SPART: variants seen among roughly 807,000 people sequenced by gnomAD.
The protein encoded by SPART is spartin.
Under a neutral mutation model 58.7 loss-of-function variants are expected in SPART, and 35 were observed. That is an observed-to-expected ratio of 0.60 (90% CI 0.46 to 0.79). The LOEUF is 0.79. Among genes scored for constraint, SPART ranks in the 30% least tolerant of loss-of-function variants. The probability of loss-of-function intolerance (pLI) is 0.00; values close to 1 mark genes in which losing one functional copy is unlikely to be tolerated. For missense variants in SPART, 730 were observed against 786.1 expected, an observed-to-expected ratio of 0.93 and a Z score of 0.85; for synonymous variants, 284 against 280.7, an observed-to-expected ratio of 1.01 and a Z score of -0.12.
At chr13:36,328,066 T>TA (rs1883120466) in intron 4 of SPART, among the ~76,000 whole-genome samples, 1 of 152,292 alleles carries the variant, frequency 6.6e-6, no homozygotes, top group East Asian at 1.9e-4. Context: ...GGCCCAGACT[T>TA]ATTTTTTACC....
chr13:36,334,712 C>T (rs1015696019), intron 2 of SPART, among the ~76,000 whole-genome samples: 2 of 152,062 alleles, frequency 1.3e-5, no homozygotes, highest in African/African-American at 4.8e-5. Flanking sequence ...ACATAAATCC[C>T]TTTCGAAATT....
chr13:36,353,891 G>A (rs933913759), intron 1 of SPART, among the ~76,000 whole-genome samples: 1 of 152,122 alleles, frequency 6.6e-6, no homozygotes, highest in Non-Finnish European at 1.5e-5. Context: ...AATTGTTTAT[G>A]TTCAGTTGGT....
Position 36,331,615 on chromosome 13 carries a change from A to C in SPART, c.811-19T>G. ...CACAAACCTGAAAGGATTCATTAGA[A>C]GAAAAAAAATATACATATAAATAAA... On this transcript the variant is annotated intron_variant, in intron 2 of 8. Transcript: ENST00000438666. 1 of 1,568,378 alleles carries C rather than the reference A, an allele frequency of 6.4e-7. No individual in the cohort carries two copies. The highest frequency in any genetic ancestry group is 8.8e-7 in the Non-Finnish European group (1 of 1,141,764).
chr13:36,369,034 G>A (rs1886175287), intron 1 of SPART, among the ~76,000 whole-genome samples: 1 of 152,044 alleles, frequency 6.6e-6, no homozygotes, highest in South Asian at 2.1e-4. Context: ...AAAAATTGCA[G>A]AACATTTTCT....
intron 6 of SPART, 43 bp from the exon 7 acceptor site, chr13:36,312,520 A>T: frequency 1.3e-6 from 2 of 1,574,876 alleles, no homozygotes; most frequent in Non-Finnish European, 1.7e-6. Flanking sequence ...AAAATATATT[A>T]TTCCCTTGAT....
intron 5 of SPART, 87 bp from the exon 6 acceptor site, chr13:36,314,508 A>G (rs1245289845): frequency 2.3e-6 from 3 of 1,322,022 alleles, no homozygotes; most frequent in Non-Finnish European, 2.2e-6. Context: ...CCAGAAAAAA[A>G]TAAAAGGAGT....
Position 36,303,549 on chromosome 13 carries a change from T to A in SPART, c.*816A>T, listed in dbSNP as rs1428122027. The A allele has an allele frequency of 6.6e-6, 1 of 152,148 alleles. No homozygotes were observed. Among genetic ancestry groups the A allele is most frequent in the Non-Finnish European group, 1.5e-5 (1 of 68,002 alleles). 9.4% of individuals were successfully genotyped at this position (152,148 alleles called of 1,614,324 possible). On this transcript the variant is annotated 3_prime_UTR_variant, in exon 9 of 9. Transcript: ENST00000438666. ...GTAAACTCAATTGTTTATATATATT[T>A]TTTTTACAAGTTTTAACCTTTTGGA...
chr13:36,345,034 A>T (rs1250986162), intron 1 of SPART, among the ~76,000 whole-genome samples: 1 of 152,242 alleles, frequency 6.6e-6, no homozygotes, highest in Non-Finnish European at 1.5e-5. Flanking sequence ...TTCCATAAAC[A>T]CTGAAAGAAG....
chr13:36,347,141 CT>C (rs1384377392), upstream of SPART, among the ~76,000 whole-genome samples: 1 of 143,676 alleles, frequency 7.0e-6, no homozygotes, highest in Non-Finnish European at 1.5e-5. Context: ...ATAGGGCTGC[CT>C]TAGGGAAAAA....
chr13:36,359,880 A>G (rs1413039968), intron 1 of SPART, among the ~76,000 whole-genome samples: 1 of 143,132 alleles, frequency 7.0e-6, no homozygotes, highest in Non-Finnish European at 1.5e-5. Context: ...GGCATTTAGG[A>G]TAGTGCCTAG....
intron 1 of SPART, among the ~76,000 whole-genome samples, chr13:36,355,014 C>T (rs1885568558): frequency 6.6e-6 from 1 of 152,180 alleles, no homozygotes; most frequent in Admixed American, 6.5e-5. Flanking sequence ...TAAGTCTGCT[C>T]TTTAGGATTG....
rs1883322781 is a variant in SPART at position 36,330,097 on chromosome 13, A to T, written c.1009-580T>A. ...AAATTAAATTGAAGACAGAAAATAA[A>T]CATACAACCTAAAAGTCTGCTTAGT... On this transcript the variant is annotated intron_variant, in intron 3 of 8. Coordinates refer to ENST00000438666, the MANE Select transcript of SPART (RefSeq NM_015087.5). Among the ~76,000 whole-genome samples the T allele has an allele frequency of 3.3e-5, 5 of 152,350 alleles. No homozygotes were observed. In the South Asian group the frequency reaches 1.0e-3, roughly 32 times the overall value.
intron 8 of SPART, among the ~76,000 whole-genome samples, chr13:36,308,608 C>T (rs1880748563): frequency 6.7e-6 from 1 of 149,468 alleles, no homozygotes; most frequent in African/African-American, 2.5e-5. Context: ...GAATCCCAAA[C>T]TTTTAATAAG....
chr13:36,306,689 T>C (rs1356831733), intron 8 of SPART, among the ~76,000 whole-genome samples: 2 of 152,206 alleles, frequency 1.3e-5, no homozygotes, highest in African/African-American at 4.8e-5. Context: ...TTGCACCTTG[T>C]TAATTTTGTC....
chr13:36,366,993 T>C (rs1886083502), intron 1 of SPART, among the ~76,000 whole-genome samples: 1 of 152,146 alleles, frequency 6.6e-6, no homozygotes, highest in Non-Finnish European at 1.5e-5. Flanking sequence ...GGAGGAGCGC[T>C]AGCTGCTGTT....
chr13:36,364,376 G>A (rs1885979173), intron 1 of SPART, among the ~76,000 whole-genome samples: 1 of 152,060 alleles, frequency 6.6e-6, no homozygotes, highest in Admixed American at 6.6e-5. Context: ...TTAACACCTT[G>A]TGGCCCAAGT....
At chr13:36,309,200 CGCCACTGCACTCCA>C (rs1880826633) in intron 8 of SPART, among the ~76,000 whole-genome samples, 1 of 149,978 alleles carries the variant, frequency 6.7e-6, no homozygotes, top group Non-Finnish European at 1.5e-5. Context: ...GCCAAGATTG[CGCCACTGCACTCCA>C]GCCTGGGTGA....
At chr13:36,352,783 T>G in intron 1 of SPART, among the ~76,000 whole-genome samples, 1 of 133,152 alleles carries the variant, frequency 7.5e-6, no homozygotes, top group Non-Finnish European at 1.7e-5. Flanking sequence ...GAGATCCCGT[T>G]TCCAAAAAAA....
intron 2 of SPART, among the ~76,000 whole-genome samples, chr13:36,331,921 G>T: frequency 6.6e-6 from 1 of 151,934 alleles, no homozygotes; most frequent in Non-Finnish European, 1.5e-5. Context: ...GTAAATTAAG[G>T]TTTTCGTTAT....
Sources: allele counts gnomAD v4.1 joint callset (sites outside exome capture counted in the v4.1 genomes callset), GRCh38; gene constraint gnomAD v4.1.1; transcripts MANE v1.5; gene names NCBI Gene and HGNC (gene_info 2026-07-23, HGNC 2026-07-21).